Variants in KCNC2 observed in about 807,000 individuals in gnomAD.
KCNC2 encodes the protein voltage-gated potassium channel KCNC2.
Under a neutral mutation model 44.5 loss-of-function variants are expected in KCNC2, and 21 were observed. The ratio of observed to expected loss-of-function variants is 0.47; its 90% CI spans 0.33 to 0.68. KCNC2 has a LOEUF of 0.68. KCNC2 is among the 30% of genes least tolerant of loss of function. The pLI is 0.01. For missense variants in KCNC2, 589 were observed against 826.2 expected (o/e 0.71, Z 3.52); for synonymous variants, 391 against 339.1 (o/e 1.15, Z -1.68).
rs547924706 is a variant in KCNC2 at position 75,208,852 on chromosome 12, G to A, written c.-20+355C>T. 3.9e-5 allele frequency among the ~76,000 whole-genome samples: 6 copies of A among 151,934 alleles called. No homozygotes were observed. In the South Asian group the frequency reaches 6.2e-4, roughly 16 times the overall value. ...TTGTTGTTGATATTATTATTACTTG[G>A]GAAAGGAAACAACTAACTAAGATCC... On this transcript the variant is annotated intron_variant, in intron 1 of 4. Transcript: ENST00000549446.
chr12:75,061,264 G>A (rs1459603727), intron 2 of KCNC2, among the ~76,000 whole-genome samples: 17 of 151,938 alleles, frequency 1.1e-4, no homozygotes, highest in Admixed American at 1.1e-3. Flanking sequence ...TTTTAAGAAG[G>A]TTCATGAAAA....
intron 2 of KCNC2, among the ~76,000 whole-genome samples, chr12:75,093,253 C>T (rs1885640952): frequency 6.6e-6 from 1 of 151,584 alleles, no homozygotes; most frequent in Non-Finnish European, 1.5e-5. Flanking sequence ...CTTTTAGAAT[C>T]TGTTCTCCTT....
Position 75,209,589 on chromosome 12 carries a change from G to A in KCNC2, c.-402C>T, listed in dbSNP as rs2031982971. 6.6e-6 allele frequency: 1 copy of A among 152,284 alleles called. No homozygotes were observed. The highest frequency in any genetic ancestry group is 6.5e-5 in the Admixed American group (1 of 15,288). 9.4% of individuals were successfully genotyped at this position (152,284 alleles called of 1,614,324 possible). On this transcript the variant is annotated 5_prime_UTR_variant, in exon 1 of 5. Transcript: ENST00000549446. ...GTGAATGGAGTGGAGACTGGCCGCAGGTCAGGAGAGCTCACCACTTGAAGG... is the reference window on the plus strand; with the variant it reads ...GTGAATGGAGTGGAGACTGGCCGCAAGTCAGGAGAGCTCACCACTTGAAGG...
At chr12:75,043,779 C>T (rs2136913631) in intron 4 of KCNC2, 2 of 1,507,858 alleles carry the variant, frequency 1.3e-6, no homozygotes, top group South Asian at 1.3e-5. Context: ...TGCCATTATC[C>T]AGGTGATGTA....
intron 2 of KCNC2, among the ~76,000 whole-genome samples, chr12:75,145,226 T>G (rs1889935718): frequency 6.6e-6 from 1 of 151,974 alleles, no homozygotes; most frequent in South Asian, 2.1e-4. Context: ...AAAAAAAAAG[T>G]ACCTCAAACA....
chr12:75,122,496 T>C (rs373663077), intron 2 of KCNC2, among the ~76,000 whole-genome samples: 1 of 152,206 alleles, frequency 6.6e-6, no homozygotes, highest in East Asian at 1.9e-4. Flanking sequence ...ATATGTGATC[T>C]TAGACATTCA....
At chr12:75,070,425 T>G (rs1168317619) in intron 2 of KCNC2, among the ~76,000 whole-genome samples, 3 of 146,612 alleles carry the variant, frequency 2.0e-5, no homozygotes, top group Non-Finnish European at 4.5e-5. Flanking sequence ...CACTCCAGCT[T>G]GGGCAACAAG....
intron 2 of KCNC2, among the ~76,000 whole-genome samples, chr12:75,141,999 T>G (rs571174634): frequency 2.4e-4 from 37 of 152,180 alleles, no homozygotes; most frequent in African/African-American, 7.9e-4. Flanking sequence ...CTTAGAGAGG[T>G]TAAGTGACTT....
At chr12:75,068,226 TA>T (rs1883031389) in intron 2 of KCNC2, among the ~76,000 whole-genome samples, 1 of 152,214 alleles carries the variant, frequency 6.6e-6, no homozygotes, top group South Asian at 2.1e-4. Context: ...AACTACTGAG[TA>T]AACACAGTGT....
Position 75,207,879 on chromosome 12 carries a change from G to T in KCNC2, c.105C>A (p.Ala35=). The T allele has an allele frequency of 6.2e-7, 1 of 1,612,692 alleles. No individual in the cohort carries two copies. ...CTGGGGGCTCGGAGGAGGCAAGAAG[G>T]GCCAGGCGTGTTCCAGGCAGGGTCT... The part of the protein sequence containing the change: ...TLKTLPGTRL[A]LLASSEPPGD... Residue 35 remains alanine, a synonymous_variant, in exon 2 of 5, where the codon GCC becomes GCA. Transcript: ENST00000549446. This position sits in a 1 kb window ranked among gnomAD's most constrained non-coding sequence, Gnocchi z 4.1.
At chr12:75,131,560 G>T (rs894135234) in intron 2 of KCNC2, among the ~76,000 whole-genome samples, 2 of 152,104 alleles carry the variant, frequency 1.3e-5, no homozygotes, top group Non-Finnish European at 2.9e-5. Flanking sequence ...TAATAGATGA[G>T]CCCCTAAATG....
chr12:75,122,948 T>G (rs966814139), intron 2 of KCNC2, among the ~76,000 whole-genome samples: 4 of 152,158 alleles, frequency 2.6e-5, no homozygotes, highest in Non-Finnish European at 5.9e-5. Context: ...TTATCCACTT[T>G]TATATTGTTT....
intron 2 of KCNC2, among the ~76,000 whole-genome samples, chr12:75,168,434 C>T (rs1891598243): frequency 6.6e-6 from 1 of 151,432 alleles, no homozygotes; most frequent in Non-Finnish European, 1.5e-5. Flanking sequence ...GAAAGTAGGG[C>T]TGCCAGGCTG....
At chr12:75,143,869 G>T (rs575476884) in intron 2 of KCNC2, among the ~76,000 whole-genome samples, 1 of 152,288 alleles carries the variant, frequency 6.6e-6, no homozygotes, top group East Asian at 1.9e-4. Flanking sequence ...TTGGATGGGA[G>T]TTTTAATTAG....
At position 75,055,999 on chromosome 12, in the gene KCNC2, C is replaced by T. The variant is rs188718734; in HGVS notation, c.688-4682G>A. On this transcript the variant is annotated intron_variant, in intron 2 of 4. Coordinates refer to ENST00000549446, the MANE Select transcript of KCNC2 (RefSeq NM_139137.4). ...TTTCAAAACTGTGCCTAGACTGTGT[C>T]CTTTCTCTGTGCTACTCTCGCCCAG... Among the ~76,000 whole-genome samples the T allele has an allele frequency of 1.0e-3, 152 of 152,048 alleles. 1 individual carries two copies. Among genetic ancestry groups the T allele is most frequent in the Admixed American group, 7.0e-3 (106 of 15,248 alleles).
chr12:75,167,922 A>G lies in KCNC2; in HGVS notation c.687+39375T>C, dbSNP rs181350690. ...AAAAATTTATCTTAAATCTTCAATC[A>G]TCATTTCCAATTTTATCTCAATCTC... On this transcript the variant is annotated intron_variant, in intron 2 of 4. Transcript: ENST00000549446. 3.0e-4 allele frequency among the ~76,000 whole-genome samples: 46 copies of G among 151,488 alleles called. No homozygotes were observed. In the Middle Eastern group the frequency reaches 0.014, roughly 45 times the overall value.
Position 75,050,991 on chromosome 12 carries a change from T to C in KCNC2, c.1014A>G (p.Lys338=). The change falls in exon 3 of 5, where the codon AAA becomes AAG. Residue 338 remains lysine (K), a synonymous_variant. Coordinates refer to ENST00000549446, the MANE Select transcript of KCNC2 (RefSeq NM_139137.4). ...LEVGLSGLSS[K]AAKDVLGFLR... ...GGAAGCCAAGCACATCTTTAGCAGC[T>C]TTGGATGACAGCCCACTGAGTCCCA... 6.2e-7 allele frequency: 1 copy of C among 1,613,794 alleles called. No individual in the cohort carries two copies. Among genetic ancestry groups the C allele is most frequent in the East Asian group, 2.2e-5 (1 of 44,850 alleles).
At chr12:75,062,418 T>C (rs1277495819) in intron 2 of KCNC2, among the ~76,000 whole-genome samples, 2 of 152,134 alleles carry the variant, frequency 1.3e-5, no homozygotes, top group Admixed American at 1.3e-4. Flanking sequence ...TCATTTGTCT[T>C]CTAGATTTTT....
intron 2 of KCNC2, among the ~76,000 whole-genome samples, chr12:75,086,660 CA>C (rs751242858): frequency 0.022 from 2,558 of 116,784 alleles, 41 homozygotes; most frequent in Non-Finnish European, 0.029. Context: ...GTTCATTTGG[CA>C]AAAAAAAAAA....
Sources: gnomAD v4.1 joint callset for allele counts (sites outside exome capture counted in the v4.1 genomes callset) on GRCh38, gnomAD v4.1.1 for gene constraint, Gnocchi (gnomAD v3.1) non-coding constraint, MANE v1.5 for transcripts, NCBI Gene and HGNC (gene_info 2026-07-23, HGNC 2026-07-21) for gene names.